The following ITPR1 variants were observed in gnomAD, a reference collection of about 807,000 sequenced individuals.
The protein encoded by ITPR1 is inositol 1,4,5-trisphosphate receptor type 1, also known as inositol 1,4,5-trisphosphate-gated calcium channel ITPR1.
A neutral mutation model predicts 318.4 loss-of-function variants in ITPR1; 96 were observed. That is an observed-to-expected ratio of 0.30 (90% CI 0.26 to 0.36). The LOEUF (loss-of-function observed/expected upper bound fraction) is 0.36. Among genes scored for constraint, ITPR1 ranks in the 10% least tolerant of loss-of-function variants. The pLI, the probability that ITPR1 is intolerant of heterozygous loss-of-function variation, is 1.00. For synonymous variants in ITPR1, 1,312 were observed against 1,289.9 expected (o/e 1.02, Z -0.37); for missense variants, 2,440 against 3,460.2 (o/e 0.71, Z 7.40).
intron 12 of ITPR1, among the ~76,000 whole-genome samples, chr3:4,654,901 G>C (rs1438722785): frequency 6.6e-6 from 1 of 152,160 alleles, no homozygotes; most frequent in African/African-American, 2.4e-5. Context: ...TTGTGGATTT[G>C]CTGGGGAGCC....
At chr3:4,810,006 G>A (rs1276316546) in intron 55 of ITPR1, among the ~76,000 whole-genome samples, 2 of 152,160 alleles carry the variant, frequency 1.3e-5, no homozygotes, top group South Asian at 4.1e-4. Flanking sequence ...TGTCAAGGAG[G>A]CAGAAAAGCC....
chr3:4,823,508 C>T (rs147308105), intron 60 of ITPR1, among the ~76,000 whole-genome samples: 1 of 152,232 alleles, frequency 6.6e-6, no homozygotes, highest in Non-Finnish European at 1.5e-5. Flanking sequence ...TTTGCAGCAA[C>T]ATGGATGGAT....
intron 52 of ITPR1, among the ~76,000 whole-genome samples, chr3:4,788,757 T>A (rs1393086087): frequency 6.6e-6 from 1 of 152,222 alleles, no homozygotes; most frequent in Non-Finnish European, 1.5e-5. Flanking sequence ...TTTAATGTGA[T>A]CCTTCAGTAC....
At chr3:4,753,972 G>A (rs773533897) in intron 44 of ITPR1, among the ~76,000 whole-genome samples, 12 of 145,964 alleles carry the variant, frequency 8.2e-5, no homozygotes, top group African/African-American at 2.0e-4. Context: ...ACCCCTATGC[G>A]TATGTTTCTA....
chr3:4,845,002 C>G (rs781699656), intron 61 of ITPR1, among the ~76,000 whole-genome samples: 1 of 152,184 alleles, frequency 6.6e-6, no homozygotes, highest in Non-Finnish European at 1.5e-5. Context: ...TTAAGTGTCA[C>G]ATCTACTATG....
chr3:4,782,572 G>C, intron 49 of ITPR1, 47 bp from the exon 50 acceptor site: 1 of 1,566,064 alleles, frequency 6.4e-7, no homozygotes, highest in Non-Finnish European at 8.7e-7. Context: ...AGTCCTGTGT[G>C]GGTCTTCCTT....
At chr3:4,840,950 T>C (rs1393926442) in intron 61 of ITPR1, among the ~76,000 whole-genome samples, 2 of 152,262 alleles carry the variant, frequency 1.3e-5, no homozygotes, top group South Asian at 4.1e-4. Context: ...AAGAAGTGCT[T>C]GAAAATTCAG....
At position 4,667,490 on chromosome 3, in the gene ITPR1, C is replaced by T; in HGVS notation, c.1827C>T (p.His609=). ...LHNNRKLLEK[H]ITAAEIDTFV... is the part of the protein sequence containing the mutation. ...ATAATCGGAAACTCCTGGAAAAACACATTACCGCGGCAGAGATTGACACAT... is the reference window on the plus strand; with the variant it reads ...ATAATCGGAAACTCCTGGAAAAACATATTACCGCGGCAGAGATTGACACAT... Residue 609 remains histidine (H), a synonymous_variant, in exon 18 of 62, where the codon CAC becomes CAT. Coordinates refer to ENST00000649015, the MANE Select transcript of ITPR1 (RefSeq NM_001378452.1). The T allele has an allele frequency of 6.2e-7, 1 of 1,613,848 alleles. No homozygotes were observed. The highest frequency in any genetic ancestry group is 8.5e-7 in the Non-Finnish European group (1 of 1,179,806).
At chr3:4,537,309 A>T (rs949091032) in intron 4 of ITPR1, among the ~76,000 whole-genome samples, 13 of 152,250 alleles carry the variant, frequency 8.5e-5, no homozygotes, top group Non-Finnish European at 1.0e-4. Flanking sequence ...CACATTCCTT[A>T]TGTCTTTAAA....
intron 19 of ITPR1, among the ~76,000 whole-genome samples, 161 bp downstream of exon 19, chr3:4,669,934 C>T (rs1233128942): frequency 2.0e-5 from 3 of 152,138 alleles, no homozygotes; most frequent in African/African-American, 7.2e-5. Context: ...GGAGAATTCC[C>T]GAATTTGATT....
chr3:4,590,421 T>C (rs138088518), intron 4 of ITPR1, among the ~76,000 whole-genome samples: 3 of 151,816 alleles, frequency 2.0e-5, no homozygotes, highest in African/African-American at 7.2e-5. Context: ...TTATGGTGTT[T>C]CTGGCTTTTT....
At chr3:4,511,923 C>T (rs563715536) in intron 2 of ITPR1, among the ~76,000 whole-genome samples, 5 of 152,274 alleles carry the variant, frequency 3.3e-5, no homozygotes, top group African/African-American at 9.6e-5. Context: ...CTTCAGAGGG[C>T]AGATGAATAG....
intron 4 of ITPR1, among the ~76,000 whole-genome samples, chr3:4,550,273 G>T (rs1021088722): frequency 6.6e-6 from 1 of 152,140 alleles, no homozygotes; most frequent in Admixed American, 6.5e-5. Flanking sequence ...GCCACAGCAA[G>T]CTTCCCCATC....
chr3:4,517,177 C>T (rs1489348640), intron 3 of ITPR1, among the ~76,000 whole-genome samples: 3 of 152,138 alleles, frequency 2.0e-5, no homozygotes, highest in African/African-American at 7.2e-5. Flanking sequence ...TCATAATGTA[C>T]TCATTTGATT....
rs1234251650 is a variant in ITPR1 at position 4,660,151 on chromosome 3, G to T, written c.1152-837G>T. The stretch of plus-strand genomic sequence containing the variant: ...ACTTCCCTAAGCTCTTGTTGAGACT[G>T]GGTTTTAGATCTTTGGAATATGATA... On this transcript the variant is annotated intron_variant, in intron 13 of 61. Coordinates refer to ENST00000649015, the MANE Select transcript of ITPR1 (RefSeq NM_001378452.1). Among the ~76,000 whole-genome samples the T allele has an allele frequency of 1.5e-4, 23 of 152,180 alleles. No homozygotes were observed. The East Asian group carries it at 4.4e-3, about 29-fold the overall frequency.
chr3:4,521,720 T>G (rs2082583447), intron 4 of ITPR1, among the ~76,000 whole-genome samples: 1 of 152,032 alleles, frequency 6.6e-6, no homozygotes, highest in Non-Finnish European at 1.5e-5. Flanking sequence ...AATACAGAAA[T>G]TAGCTGGGTG....
At chr3:4,800,730 A>G in intron 54 of ITPR1, 130 bp downstream of exon 54, 1 of 935,214 alleles carries the variant, frequency 1.1e-6, no homozygotes, top group Admixed American at 2.4e-5. Context: ...CTGTTTAAAT[A>G]GCCAGAAGCA....
intron 44 of ITPR1, among the ~76,000 whole-genome samples, chr3:4,764,066 G>A (rs147647517): frequency 6.5e-4 from 99 of 152,304 alleles, no homozygotes; most frequent in African/African-American, 2.3e-3. Flanking sequence ...CAGCTTTAGC[G>A]GGCAGTCCTC....
At chr3:4,505,206 G>A (rs1223467202) in intron 2 of ITPR1, among the ~76,000 whole-genome samples, 5 of 151,938 alleles carry the variant, frequency 3.3e-5, no homozygotes, top group African/African-American at 1.2e-4. Context: ...TTTTCCCCTT[G>A]TTTTTGAGAA....
Sources: gnomAD v4.1 joint callset for allele counts (sites outside exome capture counted in the v4.1 genomes callset) on GRCh38, gnomAD v4.1.1 for gene constraint, MANE v1.5 for transcripts, NCBI Gene and HGNC (gene_info 2026-07-23, HGNC 2026-07-21) for gene names.